Variants in DIAPH2 observed in about 807,000 individuals in gnomAD.
The protein encoded by DIAPH2 is protein diaphanous homolog 2.
In DIAPH2, 35 loss-of-function variants were observed where a neutral mutation model predicts 92.7. That is an observed-to-expected ratio of 0.38 (90% CI 0.29 to 0.50). The LOEUF is 0.50. Ranked by LOEUF, DIAPH2 falls within the 20% of genes least tolerant of loss-of-function variation. The pLI, the probability that DIAPH2 is intolerant of heterozygous loss-of-function variation, is 0.94. For missense variants in DIAPH2, 701 were observed against 819.5 expected, an observed-to-expected ratio of 0.86 and a Z score of 1.77; for synonymous variants, 301 against 280.4, an observed-to-expected ratio of 1.07 and a Z score of -0.73.
At chrX:97,316,086 G>C (rs189045918) in intron 23 of DIAPH2, among the ~76,000 whole-genome samples, 35 of 111,324 alleles carry the variant, frequency 3.1e-4, no homozygotes, top group African/African-American at 1.1e-3. Flanking sequence ...TCGCATCATA[G>C]TGATCTCACG....
At chrX:97,331,030 A>G (rs991609433) in intron 23 of DIAPH2, among the ~76,000 whole-genome samples, 14 of 110,946 alleles carry the variant, frequency 1.3e-4, no homozygotes, top group African/African-American at 4.3e-4. Context: ...ACATTGAAAT[A>G]TATATGGTTC....
intron 1 of DIAPH2, among the ~76,000 whole-genome samples, chrX:96,687,890 A>G (rs1457773106): frequency 9.0e-6 from 1 of 111,338 alleles, no homozygotes; most frequent in Non-Finnish European, 1.9e-5. Context: ...GACTCATCAC[A>G]TTTTGAATAA....
At chrX:96,915,943 A>C (rs1000811366) in intron 7 of DIAPH2, among the ~76,000 whole-genome samples, 2 of 111,335 alleles carry the variant, frequency 1.8e-5, no homozygotes, top group Non-Finnish European at 3.8e-5. Flanking sequence ...TAAGAGAGAG[A>C]AGGCATGGGA....
intron 20 of DIAPH2, among the ~76,000 whole-genome samples, chrX:97,114,113 G>C (rs1322909318): frequency 8.9e-6 from 1 of 112,191 alleles, no homozygotes; most frequent in Admixed American, 9.5e-5. Context: ...GTAAGTTCAT[G>C]TGATTTTACT....
intron 4 of DIAPH2, among the ~76,000 whole-genome samples, chrX:96,879,690 AC>A (rs1388078565): frequency 1.8e-5 from 2 of 111,221 alleles, no homozygotes; most frequent in Non-Finnish European, 3.8e-5. Context: ...TGATGGTTTT[AC>A]TTACTGTGCC....
chrX:96,984,270 A>G (rs1021159134), intron 17 of DIAPH2, among the ~76,000 whole-genome samples: 3 of 111,606 alleles, frequency 2.7e-5, no homozygotes, highest in Non-Finnish European at 5.7e-5. Context: ...GAGTAGTGAG[A>G]ACAATCAACC....
At chrX:96,800,539 C>T (rs772042485) in intron 4 of DIAPH2, among the ~76,000 whole-genome samples, 1 of 112,053 alleles carries the variant, frequency 8.9e-6, no homozygotes, top group Non-Finnish European at 1.9e-5. Flanking sequence ...TTGAGCTCTT[C>T]TGACACAAGG....
intron 22 of DIAPH2, among the ~76,000 whole-genome samples, chrX:97,232,780 G>A (rs1409735963): frequency 2.7e-5 from 3 of 111,555 alleles, no homozygotes; most frequent in Non-Finnish European, 5.6e-5. Context: ...TGGAGTTGGG[G>A]TAGCTTTTCA....
chrX:97,476,479 G>A (rs2070604426), intron 26 of DIAPH2, among the ~76,000 whole-genome samples: 1 of 111,784 alleles, frequency 8.9e-6, no homozygotes, highest in African/African-American at 3.3e-5. Context: ...TTAATTAAAT[G>A]TCTTTATTAA....
intron 26 of DIAPH2, among the ~76,000 whole-genome samples, chrX:97,445,289 T>C (rs1189928317): frequency 8.9e-6 from 1 of 111,810 alleles, no homozygotes; most frequent in Non-Finnish European, 1.9e-5. Context: ...TTATCCCTTT[T>C]TCACTTTTTT....
intron 26 of DIAPH2, among the ~76,000 whole-genome samples, chrX:97,491,555 C>A (rs776811809): frequency 1.8e-5 from 2 of 110,626 alleles, no homozygotes; most frequent in East Asian, 5.7e-4. Flanking sequence ...GGACTACAGG[C>A]GTGCACCACC....
At chrX:97,002,722 A>T (rs1466140958) in intron 17 of DIAPH2, among the ~76,000 whole-genome samples, 1 of 111,761 alleles carries the variant, frequency 8.9e-6, no homozygotes, top group African/African-American at 3.2e-5. Flanking sequence ...CAGGCATACC[A>T]TGTGTAATAA....
At chrX:96,837,449 G>C (rs1233780342) in intron 4 of DIAPH2, among the ~76,000 whole-genome samples, 1 of 105,332 alleles carries the variant, frequency 9.5e-6, no homozygotes, top group East Asian at 3.0e-4. Flanking sequence ...GTGTGTGTGT[G>C]TGTGTGTGTG....
intron 22 of DIAPH2, among the ~76,000 whole-genome samples, chrX:97,218,025 A>G (rs1194851627): frequency 1.8e-5 from 2 of 111,993 alleles, no homozygotes; most frequent in Non-Finnish European, 3.8e-5. Context: ...TTTAAAGCCA[A>G]GACATGCTCT....
intron 26 of DIAPH2, among the ~76,000 whole-genome samples, chrX:97,538,724 A>C (rs2071116363): frequency 8.9e-6 from 1 of 112,364 alleles, no homozygotes; most frequent in Admixed American, 9.5e-5. Context: ...TATCTGCTGC[A>C]CATTATACTG....
chrX:97,347,197 T>C (rs1408407957), intron 23 of DIAPH2, among the ~76,000 whole-genome samples: 2 of 107,476 alleles, frequency 1.9e-5, no homozygotes, highest in African/African-American at 6.8e-5. Flanking sequence ...CAAGCAATTT[T>C]CCTGCCTCAG....
At chrX:96,810,225 T>C (rs1046583460) in intron 4 of DIAPH2, among the ~76,000 whole-genome samples, 24 of 112,325 alleles carry the variant, frequency 2.1e-4, no homozygotes, top group African/African-American at 7.1e-4. Context: ...TGGTGTGAGA[T>C]GGTATCTCAT....
chrX:96,727,060 C>T (rs1338545060), intron 1 of DIAPH2, among the ~76,000 whole-genome samples: 3 of 112,204 alleles, frequency 2.7e-5, no homozygotes, highest in Non-Finnish European at 5.6e-5. Context: ...CAAGCCCCAA[C>T]CTTCTTAAGG....
chrX:97,287,327 G>T (rs1416202652), intron 23 of DIAPH2, among the ~76,000 whole-genome samples: 2 of 110,430 alleles, frequency 1.8e-5, no homozygotes, highest in Non-Finnish European at 3.8e-5. Flanking sequence ...AATTTGTTTT[G>T]GGGAAAATTC....
Sources: allele counts gnomAD v4.1 joint callset (sites outside exome capture counted in the v4.1 genomes callset), GRCh38; gene constraint gnomAD v4.1.1; transcripts MANE v1.5; gene names NCBI Gene and HGNC (gene_info 2026-07-23, HGNC 2026-07-21).